DPP6: variants seen among roughly 807,000 people sequenced by gnomAD.
DPP6 encodes A-type potassium channel modulatory protein DPP6.
A neutral mutation model predicts 122.6 loss-of-function variants in DPP6; 69 were observed. The observed-to-expected ratio is 0.56, with a 90% CI of 0.46 to 0.69. The LOEUF (loss-of-function observed/expected upper bound fraction) is 0.69, where lower values mean the gene tolerates loss of function less well. DPP6 is among the 30% of genes least tolerant of loss of function. The probability of loss-of-function intolerance (pLI) is 0.00; values close to 1 mark genes in which losing one functional copy is unlikely to be tolerated. For missense variants in DPP6, 928 were observed against 1,116.9 expected, an observed-to-expected ratio of 0.83 and a Z score of 2.41; for synonymous variants, 418 against 433.1, an observed-to-expected ratio of 0.97 and a Z score of 0.43.
At chr7:153,773,120 A>C in the DPP6 span, among the ~76,000 whole-genome samples, 1 of 148,530 alleles carries the variant, frequency 6.7e-6, no homozygotes, top group African/African-American at 2.4e-5. Flanking sequence ...GAATTTCTCC[A>C]GGGAGGTGTA....
At chr7:154,613,876 G>A (rs951746605) in intron 5 of DPP6, among the ~76,000 whole-genome samples, 2 of 152,184 alleles carry the variant, frequency 1.3e-5, no homozygotes, top group Non-Finnish European at 2.9e-5. Flanking sequence ...CCACAGCTGA[G>A]CAGCAGGACC....
intron 1 of DPP6, among the ~76,000 whole-genome samples, chr7:154,187,243 GTC>G (rs1798394083): frequency 1.3e-5 from 2 of 152,184 alleles, no homozygotes; most frequent in African/African-American, 2.4e-5. Flanking sequence ...GGTTTTGGTA[GTC>G]TCTATTTATT....
intron 1 of DPP6, among the ~76,000 whole-genome samples, chr7:153,896,612 C>T (rs1241837676): frequency 6.6e-6 from 1 of 152,090 alleles, no homozygotes; most frequent in Non-Finnish European, 1.5e-5. Context: ...TGATACCAGC[C>T]TGTGCAACAT....
At chr7:154,766,492 A>C (rs1226770963) in intron 8 of DPP6, among the ~76,000 whole-genome samples, 1 of 152,130 alleles carries the variant, frequency 6.6e-6, no homozygotes, top group East Asian at 1.9e-4. Flanking sequence ...TTTTTAGTAC[A>C]GACAGGGTTT....
intron 1 of DPP6, among the ~76,000 whole-genome samples, chr7:154,442,690 A>G (rs1446513270): frequency 6.6e-6 from 1 of 152,178 alleles, no homozygotes; most frequent in Admixed American, 6.5e-5. Flanking sequence ...ACAGAAGGCT[A>G]GAGCCCCAGA....
chr7:154,878,940 A>G (rs1311693155), intron 20 of DPP6, among the ~76,000 whole-genome samples: 1 of 152,222 alleles, frequency 6.6e-6, no homozygotes, highest in Non-Finnish European at 1.5e-5. Context: ...GAGGAAGCCA[A>G]AATAGTTATC....
chr7:153,819,240 A>C, the DPP6 span, among the ~76,000 whole-genome samples: 4 of 133,278 alleles, frequency 3.0e-5, no homozygotes, highest in Non-Finnish European at 6.3e-5. Context: ...TCTCCTTCCC[A>C]TTCTCCGCCC....
Position 154,653,559 on chromosome 7 carries a change from AAATC to A in DPP6, c.680+15691_680+15694del, listed in dbSNP as rs1837023028. Among the ~76,000 whole-genome samples, 3 of 152,144 alleles carry A rather than the reference AAATC, an allele frequency of 2.0e-5. No homozygotes were observed. In the South Asian group the frequency reaches 6.2e-4, roughly 32 times the overall value. ...TGATAGATAGATATAGATAGATAAT[AAATC>A]AATCCATTAATGGATAGGTGATAGA... On this transcript the variant is annotated intron_variant, in intron 6 of 25. Coordinates refer to ENST00000377770, the MANE Select transcript of DPP6 (RefSeq NM_130797.4).
chr7:154,332,638 G>A (rs1398626717), intron 1 of DPP6, among the ~76,000 whole-genome samples: 1 of 152,232 alleles, frequency 6.6e-6, no homozygotes, highest in Non-Finnish European at 1.5e-5. Context: ...AGAGTTTGAA[G>A]TTCCAGGACC....
At chr7:154,131,867 T>G (rs1563231210) in intron 1 of DPP6, among the ~76,000 whole-genome samples, 1 of 151,552 alleles carries the variant, frequency 6.6e-6, no homozygotes, top group African/African-American at 2.4e-5. Flanking sequence ...ATAATAGGAA[T>G]AGTTGAATTC....
At chr7:154,594,996 C>A (rs750938088) in intron 5 of DPP6, among the ~76,000 whole-genome samples, 1 of 145,984 alleles carries the variant, frequency 6.9e-6, no homozygotes, top group Non-Finnish European at 1.5e-5. Flanking sequence ...GTTTTTTAAA[C>A]CCCAATTGTA....
intron 1 of DPP6, among the ~76,000 whole-genome samples, chr7:154,027,795 C>T (rs1799020711): frequency 6.6e-6 from 1 of 151,746 alleles, no homozygotes; most frequent in South Asian, 2.1e-4. Context: ...TGATAAATTC[C>T]TCTCCCTCCT....
intron 10 of DPP6, among the ~76,000 whole-genome samples, chr7:154,785,474 A>G (rs1025321669): frequency 2.0e-5 from 3 of 152,204 alleles, no homozygotes; most frequent in African/African-American, 7.2e-5. Context: ...TGTGGATTTT[A>G]TTCTCTATGT....
intron 7 of DPP6, among the ~76,000 whole-genome samples, chr7:154,674,160 G>A (rs2130028): frequency 0.46 from 70,469 of 151,978 alleles, 16,652 homozygotes; most frequent in East Asian, 0.69. Context: ...ATAAGCATGA[G>A]CCACTCTGCC....
At chr7:154,682,492 G>A (rs983611535) in intron 7 of DPP6, among the ~76,000 whole-genome samples, 5 of 152,192 alleles carry the variant, frequency 3.3e-5, no homozygotes, top group African/African-American at 4.8e-5. Flanking sequence ...AATTGGGGTC[G>A]GCCCTCATTC....
Position 154,061,515 on chromosome 7 carries a change from A to G in DPP6, c.243+8452A>G, listed in dbSNP as rs377105630. Among the ~76,000 whole-genome samples, 89 of 147,070 alleles carry G rather than the reference A, an allele frequency of 6.1e-4. 1 individual carries two copies. In the South Asian group the frequency reaches 0.019, roughly 32 times the overall value. Reference sequence around the variant, plus strand: ...AACTGCCCTGCTAGTACAAGAAGCAAATAAGCTGATTCTTGGGCAAAACCT... The same window carrying G: ...AACTGCCCTGCTAGTACAAGAAGCAGATAAGCTGATTCTTGGGCAAAACCT... On this transcript the variant is annotated intron_variant, in intron 1 of 25. Transcript: ENST00000377770.
intron 1 of DPP6, among the ~76,000 whole-genome samples, chr7:154,299,919 C>A (rs1805793183): frequency 6.6e-6 from 1 of 152,186 alleles, no homozygotes. Context: ...CGGCTACAAA[C>A]AAACCTAATT....
chr7:153,966,291 G>A (rs1350265560), intron 1 of DPP6, among the ~76,000 whole-genome samples: 1 of 151,428 alleles, frequency 6.6e-6, no homozygotes, highest in Admixed American at 6.6e-5. Flanking sequence ...ACGTGTTCAT[G>A]TTTGTGCATG....
rs1244236832 is a variant in DPP6, at chr7:154,052,426, C to G, written c.-395C>G. 2 of 182,162 alleles carry G rather than the reference C, an allele frequency of 1.1e-5. No individual in the cohort carries two copies. Among genetic ancestry groups the G allele is most frequent in the Non-Finnish European group, 2.1e-5 (2 of 94,514 alleles). The allele number at this position is 182,162 out of a possible 1,614,324, so 11.3% of individuals were successfully genotyped here. A position where few individuals can be genotyped will look rare whatever the true frequency, so the allele number is the denominator to read the frequency against. ...ATGTGTGCCGGTCTCTAGGTGGTGCCAAATTCTGGGGCCTAGGCATTTCCC... is the reference window on the plus strand; with the variant it reads ...ATGTGTGCCGGTCTCTAGGTGGTGCGAAATTCTGGGGCCTAGGCATTTCCC... On this transcript the variant is annotated 5_prime_UTR_variant, in exon 1 of 26. Coordinates refer to ENST00000377770, the MANE Select transcript of DPP6 (RefSeq NM_130797.4). The surrounding 1 kb of genome is among the most constrained non-coding windows in gnomAD (Gnocchi z 4.8).
Sources: allele counts gnomAD v4.1 joint callset (sites outside exome capture counted in the v4.1 genomes callset), GRCh38; gene constraint gnomAD v4.1.1; non-coding constraint Gnocchi (gnomAD v3.1); transcripts MANE v1.5; gene names NCBI Gene and HGNC (gene_info 2026-07-23, HGNC 2026-07-21).